The following COL22A1 variants were observed in gnomAD, a reference collection of about 807,000 sequenced individuals.
The protein encoded by COL22A1 is collagen alpha-1(XXII) chain.
COL22A1 carries 221 observed loss-of-function variants against 248.9 expected under a neutral mutation model. The ratio of observed to expected loss-of-function variants is 0.89; its 90% confidence interval spans 0.80 to 0.99. The LOEUF (loss-of-function observed/expected upper bound fraction) is 0.99. Among genes scored for constraint, COL22A1 ranks in the 50% least tolerant of loss-of-function variants. The probability of loss-of-function intolerance (pLI) is 0.00; values close to 1 mark genes in which losing one functional copy is unlikely to be tolerated. For missense variants in COL22A1, 2,240 were observed against 2,179.0 expected (o/e 1.03, Z -0.56); for synonymous variants, 891 against 793.4 (o/e 1.12, Z -2.07).
chr8:138,699,128 G>A (rs975719375), intron 32 of COL22A1, among the ~76,000 whole-genome samples: 2 of 152,092 alleles, frequency 1.3e-5, no homozygotes, highest in Non-Finnish European at 2.9e-5. Flanking sequence ...CACAGCCAGA[G>A]CCCTGTGCAC....
At chr8:138,640,172 TTTTC>T (rs1821549724) in intron 47 of COL22A1, among the ~76,000 whole-genome samples, 1 of 152,200 alleles carries the variant, frequency 6.6e-6, no homozygotes, top group South Asian at 2.1e-4. Flanking sequence ...AATAAAATTG[TTTTC>T]TTTCTCTTCT....
At chr8:138,844,029 G>T in intron 4 of COL22A1, 55 bp downstream of exon 4, 1 of 1,499,244 alleles carries the variant, frequency 6.7e-7, no homozygotes, top group Non-Finnish European at 9.3e-7. Flanking sequence ...GTCATGCTCA[G>T]GCTCAGCAAA....
intron 22 of COL22A1, among the ~76,000 whole-genome samples, chr8:138,742,284 T>TGAG: frequency 8.2e-6 from 1 of 122,358 alleles, no homozygotes; most frequent in South Asian, 3.0e-4. Context: ...ATGGAGTTGA[T>TGAG]GGTGATGGTG....
At position 138,648,214 on chromosome 8, in the gene COL22A1, T is replaced by C. The variant is rs150078852; in HGVS notation, c.3447+1451A>G. ...CCCTGTTCCTTCCAGGGTTCCAGAG[T>C]GTATGGAGAAATTTCGAGGACTGTG... On this transcript the variant is annotated intron_variant, in intron 46 of 64. Transcript: ENST00000303045. Among the ~76,000 whole-genome samples, 4 of 152,114 alleles carry C rather than the reference T, an allele frequency of 2.6e-5. No individual in the cohort carries two copies. In the East Asian group the frequency reaches 5.8e-4, roughly 22 times the overall value.
At chr8:138,756,177 C>T (rs1336481555) in intron 18 of COL22A1, among the ~76,000 whole-genome samples, 1 of 152,200 alleles carries the variant, frequency 6.6e-6, no homozygotes, top group Non-Finnish European at 1.5e-5. Flanking sequence ...CCTGCCTGCG[C>T]CAGCCACTGT....
Position 138,636,758 on chromosome 8 carries a change from C to T in COL22A1, c.3539G>A (p.Gly1180Glu). Residue 1180 changes from glycine (G) to glutamate (E), a missense_variant, in exon 48 of 65, where the codon GGG becomes GAG. Gly to Glu is a moderately conservative substitution (Grantham distance 98, BLOSUM62 -2). Coordinates refer to ENST00000303045, the MANE Select transcript of COL22A1 (RefSeq NM_152888.3). ...QGERGADGEV[G>E]QKGDQGHPGV... ...AATTTTTACCTGATCACCTTTCTGC[C>T]CAACCTCACCATCTGCACCACGTTC... The T allele has an allele frequency of 6.2e-7, 1 of 1,613,402 alleles. No homozygotes were observed. The highest frequency in any genetic ancestry group is 2.2e-5 in the East Asian group (1 of 44,858).
rs762161622 is a variant in COL22A1, at chr8:138,720,826, C to T, written c.2302-34G>A. ...AATACAGAGCAAAGTTAACAGGAGA[C>T]GGGCCATGCTTGGATTAAACAACAC... On this transcript the variant is annotated intron_variant, in intron 26 of 64. Coordinates refer to ENST00000303045, the MANE Select transcript of COL22A1 (RefSeq NM_152888.3). 31 of 1,528,728 alleles carry T rather than the reference C, an allele frequency of 2.0e-5. No individual in the cohort carries two copies. The East Asian group carries it at 3.8e-4, about 19-fold the overall frequency. 94.7% of individuals were successfully genotyped at this position (1,528,728 alleles called of 1,614,324 possible).
intron 56 of COL22A1, among the ~76,000 whole-genome samples, chr8:138,612,669 G>C (rs1299303435): frequency 6.6e-6 from 1 of 152,154 alleles, no homozygotes; most frequent in African/African-American, 2.4e-5. Flanking sequence ...GCTCACGCCT[G>C]TAATCCCAGC....
At chr8:138,663,670 T>A in intron 42 of COL22A1, 35 bp downstream of exon 42, 1 of 1,527,300 alleles carries the variant, frequency 6.5e-7, no homozygotes, top group Non-Finnish European at 9.1e-7. Flanking sequence ...ATTCCTCCCA[T>A]AGAAACTCAT....
At chr8:138,725,300 G>A in intron 24 of COL22A1, 87 bp downstream of exon 24, 1 of 1,327,240 alleles carries the variant, frequency 7.5e-7, no homozygotes, top group South Asian at 1.2e-5. Flanking sequence ...TAAAAGACAA[G>A]AGGCCATTCA....
intron 16 of COL22A1, among the ~76,000 whole-genome samples, chr8:138,774,557 T>G (rs950489614): frequency 6.6e-6 from 1 of 151,916 alleles, no homozygotes; most frequent in Admixed American, 6.6e-5. Context: ...TAGCTGGGAC[T>G]ACAGGCGCCC....
At chr8:138,774,917 T>C (rs1343716418) in intron 16 of COL22A1, among the ~76,000 whole-genome samples, 1 of 152,194 alleles carries the variant, frequency 6.6e-6, no homozygotes, top group African/African-American at 2.4e-5. Context: ...TACAGGATGA[T>C]GTGGCTGTGG....
intron 1 of COL22A1, among the ~76,000 whole-genome samples, chr8:138,902,481 A>T (rs1308216946): frequency 6.6e-6 from 1 of 152,040 alleles, no homozygotes; most frequent in Non-Finnish European, 1.5e-5. Context: ...GCGGATCATG[A>T]GGTCAGGAGA....
chr8:138,852,778 G>A (rs1354845906), intron 3 of COL22A1, among the ~76,000 whole-genome samples: 2 of 151,986 alleles, frequency 1.3e-5, no homozygotes, highest in African/African-American at 2.4e-5. Context: ...AGGGAGGTCC[G>A]CAGTGTATGT....
At chr8:138,882,887 C>T (rs534841653) in intron 2 of COL22A1, among the ~76,000 whole-genome samples, 195 bp downstream of exon 2, 72 of 152,290 alleles carry the variant, frequency 4.7e-4, no homozygotes, top group African/African-American at 1.7e-3. Context: ...ATATACAGGC[C>T]CTTGCTGAGG....
At chr8:138,690,987 T>G (rs767639029) in intron 35 of COL22A1, 113 bp from the exon 36 acceptor site, 4 of 795,368 alleles carry the variant, frequency 5.0e-6, no homozygotes, top group Non-Finnish European at 7.7e-6. Context: ...CTGGAACTGC[T>G]GCTGACCTGA....
chr8:138,861,864 GCTATC>G (rs1822487262), intron 3 of COL22A1, among the ~76,000 whole-genome samples: 2 of 152,092 alleles, frequency 1.3e-5, no homozygotes, highest in Non-Finnish European at 2.9e-5. Flanking sequence ...GATGTGTTCA[GCTATC>G]TGGATGTTTT....
chr8:138,757,306 A>G (rs374765137), intron 18 of COL22A1, among the ~76,000 whole-genome samples: 1 of 151,594 alleles, frequency 6.6e-6, no homozygotes, highest in Non-Finnish European at 1.5e-5. Context: ...GAGCTATACT[A>G]TGTGTGTGTG....
chr8:138,669,513 C>G (rs1271322167), intron 41 of COL22A1, among the ~76,000 whole-genome samples: 1 of 152,204 alleles, frequency 6.6e-6, no homozygotes, highest in African/African-American at 2.4e-5. Flanking sequence ...GCCACAGGGA[C>G]AGCAGAGGCT....
Sources: gnomAD v4.1 joint callset for allele counts (sites outside exome capture counted in the v4.1 genomes callset) on GRCh38, gnomAD v4.1.1 for gene constraint, MANE v1.5 for transcripts, NCBI Gene and HGNC (gene_info 2026-07-23, HGNC 2026-07-21) for gene names.